The following PCDHGA2 variants were observed in gnomAD, a reference collection of about 807,000 sequenced individuals.
PCDHGA2 encodes protocadherin gamma subfamily A, 2, also known as protocadherin gamma-A2.
A neutral mutation model predicts 59.2 loss-of-function variants in PCDHGA2; 40 were observed. That is an observed-to-expected ratio of 0.68 (90% confidence interval 0.52 to 0.88). The LOEUF is 0.88. Ranked by LOEUF, PCDHGA2 falls within the 40% of genes least tolerant of loss-of-function variation. The pLI is 0.00. For synonymous variants in PCDHGA2, 560 were observed against 526.0 expected, an observed-to-expected ratio of 1.06 and a Z score of -0.89; for missense variants, 1,226 against 1,204.0, an observed-to-expected ratio of 1.02 and a Z score of -0.27.
intron 2 of PCDHGA2, among the ~76,000 whole-genome samples, chr5:141,495,270 G>C (rs1428903664): frequency 1.3e-5 from 2 of 152,178 alleles, no homozygotes; most frequent in Non-Finnish European, 2.9e-5. Context: ...GCATTTGACC[G>C]GAGGAGGCGG....
intron 1 of PCDHGA2, chr5:141,413,820 C>G (rs967941133): frequency 5.6e-6 from 9 of 1,613,086 alleles, no homozygotes; most frequent in South Asian, 1.1e-5. Flanking sequence ...ACCACCTGGT[C>G]CTCACCGCCT....
intron 1 of PCDHGA2, chr5:141,478,576 G>T (rs543160289): frequency 5.0e-6 from 8 of 1,585,598 alleles, no homozygotes; most frequent in Non-Finnish European, 6.9e-6. Flanking sequence ...GCTTGACCCT[G>T]TTAGTGCTTT....
chr5:141,410,689 C>T, intron 1 of PCDHGA2: 2 of 1,514,926 alleles, frequency 1.3e-6, no homozygotes, highest in Non-Finnish European at 1.8e-6. Flanking sequence ...AGGCATACTA[C>T]TTTATTTTCA....
At chr5:141,505,341 A>G in intron 2 of PCDHGA2, 52 bp from the exon 3 acceptor site, 3 of 1,612,728 alleles carry the variant, frequency 1.9e-6, no homozygotes, top group Non-Finnish European at 2.5e-6. Context: ...CAGGAGGGGC[A>G]TGAGCTGTGC....
rs767577725 is a variant in PCDHGA2, at chr5:141,485,642, G to C, written c.2425-9165G>C. On this transcript the variant is annotated intron_variant, in intron 1 of 3. Transcript: ENST00000394576. This position sits in a 1 kb window ranked among gnomAD's most constrained non-coding sequence, Gnocchi z 5.7. ...AGGACAGCGTTTCCCGTTGGAAAAGGCTCAGGATGCAGATGTGGGGAGCAA... is the reference window on the plus strand; with the variant it reads ...AGGACAGCGTTTCCCGTTGGAAAAGCCTCAGGATGCAGATGTGGGGAGCAA... 2 of 1,612,044 alleles carry C rather than the reference G, an allele frequency of 1.2e-6. No individual in the cohort carries two copies. The highest frequency in any genetic ancestry group is 8.5e-7 in the Non-Finnish European group (1 of 1,178,592).
In PCDHGA2 at chr5:141,360,411, A is replaced by G. The variant is rs528127616; in HGVS notation, c.2424+19016A>G. The G allele has an allele frequency of 1.4e-4, 229 of 1,614,036 alleles. 5 individuals carry two copies. In the South Asian group the frequency reaches 2.4e-3, roughly 17 times the overall value. The stretch of plus-strand genomic sequence containing the variant: ...TACTTGTGAGTGACAGAATAGACCG[A>G]GAACAGATATGCGGGAAGCAGCCTC... On this transcript the variant is annotated intron_variant, in intron 1 of 3. Coordinates refer to ENST00000394576, the MANE Select transcript of PCDHGA2 (RefSeq NM_018915.4).
At position 141,421,588 on chromosome 5, in the gene PCDHGA2, G is replaced by C; in HGVS notation, c.2425-73219G>C. 3 of 1,613,910 alleles carry C rather than the reference G, an allele frequency of 1.9e-6. No homozygotes were observed. The South Asian group carries it at 3.3e-5, about 18-fold the overall frequency. ...AGACACCTTGAAGATTTACGGAGTGGAGGTGGAAATAATAGATATTAATGA... is the reference window on the plus strand; with the variant it reads ...AGACACCTTGAAGATTTACGGAGTGCAGGTGGAAATAATAGATATTAATGA... On this transcript the variant is annotated intron_variant, in intron 1 of 3. Coordinates refer to ENST00000394576, the MANE Select transcript of PCDHGA2 (RefSeq NM_018915.4).
chr5:141,495,833 G>A (rs559689667), intron 2 of PCDHGA2, among the ~76,000 whole-genome samples: 3 of 151,876 alleles, frequency 2.0e-5, no homozygotes, highest in African/African-American at 4.8e-5. Context: ...TCTATCCCCA[G>A]CCTCTATGTT....
intron 1 of PCDHGA2, chr5:141,418,511 G>A: frequency 5.6e-6 from 9 of 1,613,974 alleles, no homozygotes; most frequent in Non-Finnish European, 7.6e-6. Context: ...CTTAGATGGT[G>A]GGGACCCTCC....
At chr5:141,401,128 G>A (rs1271194736) in intron 1 of PCDHGA2, among the ~76,000 whole-genome samples, 3 of 152,166 alleles carry the variant, frequency 2.0e-5, no homozygotes, top group Non-Finnish European at 4.4e-5. Context: ...TGGATCACAT[G>A]GTCAGGAGTT....
chr5:141,375,213 G>T (rs778646849), intron 1 of PCDHGA2: 1 of 1,613,926 alleles, frequency 6.2e-7, no homozygotes, highest in Admixed American at 1.7e-5. Context: ...CGAGACTCTG[G>T]CCTGAATGGC....
chr5:141,375,213 G>A (rs778646849), intron 1 of PCDHGA2: 9 of 1,613,810 alleles, frequency 5.6e-6, no homozygotes, highest in Non-Finnish European at 7.6e-6. Context: ...CGAGACTCTG[G>A]CCTGAATGGC....
At chr5:141,494,514 G>T (rs1457018569) in intron 1 of PCDHGA2, among the ~76,000 whole-genome samples, 2 of 152,160 alleles carry the variant, frequency 1.3e-5, no homozygotes, top group South Asian at 2.1e-4. Context: ...TTTTGGCTCA[G>T]GAGTTCTGAC....
intron 1 of PCDHGA2, among the ~76,000 whole-genome samples, chr5:141,463,095 G>C (rs1299676667): frequency 6.6e-6 from 1 of 152,098 alleles, no homozygotes; most frequent in African/African-American, 2.4e-5. Context: ...AGCCCTATGT[G>C]ACCATCAAGA....
chr5:141,366,387 A>G, intron 1 of PCDHGA2: 1 of 1,614,088 alleles, frequency 6.2e-7, no homozygotes, highest in East Asian at 2.2e-5. Context: ...GACCCTGAGG[A>G]TCTGGACCTC....
intron 1 of PCDHGA2, chr5:141,422,335 C>T (rs1196951059): frequency 6.5e-7 from 1 of 1,549,804 alleles, no homozygotes; most frequent in Non-Finnish European, 8.7e-7. Flanking sequence ...GATTGCTCTT[C>T]TAAATGTGCA....
rs756770023 is a variant in PCDHGA2 at position 141,383,289 on chromosome 5, T to C, written c.2424+41894T>C. ...AAATAATAGATATTAATGACAACGT[T>C]CCAAGATTCTTGACGGAAGAAATAA... On this transcript the variant is annotated intron_variant, in intron 1 of 3. Coordinates refer to ENST00000394576, the MANE Select transcript of PCDHGA2 (RefSeq NM_018915.4). The C allele has an allele frequency of 1.9e-6, 3 of 1,613,914 alleles. No individual in the cohort carries two copies. In the South Asian group the frequency reaches 3.3e-5, roughly 18 times the overall value.
At chr5:141,370,411 G>A (rs757547025) in intron 1 of PCDHGA2, 2 of 1,566,772 alleles carry the variant, frequency 1.3e-6, no homozygotes, top group South Asian at 1.2e-5. Context: ...AATAGCTCCG[G>A]ATGGAGGGGC....
intron 1 of PCDHGA2, chr5:141,421,725 C>T: frequency 6.2e-7 from 1 of 1,613,960 alleles, no homozygotes; most frequent in Non-Finnish European, 8.5e-7. Context: ...TGGGCGTGAA[C>T]TCCCTCCAGA....
Sources: allele counts gnomAD v4.1 joint callset (sites outside exome capture counted in the v4.1 genomes callset), GRCh38; gene constraint gnomAD v4.1.1; non-coding constraint Gnocchi (gnomAD v3.1); transcripts MANE v1.5; gene names NCBI Gene and HGNC (gene_info 2026-07-23, HGNC 2026-07-21).